RIMS2: variants seen among roughly 807,000 people sequenced by gnomAD.
RIMS2 encodes regulating synaptic membrane exocytosis protein 2.
In RIMS2, 59 loss-of-function variants were observed where a neutral mutation model predicts 174.4. The ratio of observed to expected loss-of-function variants is 0.34; its 90% CI spans 0.27 to 0.42. RIMS2 has a LOEUF of 0.42. Ranked by LOEUF, RIMS2 falls within the 10% of genes least tolerant of loss-of-function variation. The probability of loss-of-function intolerance (pLI) is 1.00; values close to 1 mark genes in which losing one functional copy is unlikely to be tolerated. For missense variants in RIMS2, 1,620 were observed against 1,666.3 expected (o/e 0.97, Z 0.48); for synonymous variants, 606 against 572.5 (o/e 1.06, Z -0.84).
In RIMS2 at chr8:103,708,217, G is replaced by T. The variant is rs756639401; in HGVS notation, c.387+10921G>T. Among the ~76,000 whole-genome samples, 115 of 152,316 alleles carry T rather than the reference G, an allele frequency of 7.6e-4. 1 individual carries two copies. The highest frequency in any genetic ancestry group is 1.5e-3 in the Non-Finnish European group (102 of 68,020). Reference sequence around the variant, plus strand: ...TTATTCACGGCTCAAGGCCACTTTTGTTAGCCTGTGGTGAAGTGGACCGGG... The same window carrying T: ...TTATTCACGGCTCAAGGCCACTTTTTTTAGCCTGTGGTGAAGTGGACCGGG... On this transcript the variant is annotated intron_variant, in intron 2 of 23. Coordinates refer to ENST00000504942, the Ensembl canonical transcript of RIMS2.
At position 104,248,684 on chromosome 8, in the gene RIMS2, T is replaced by G. The variant is rs752725769; in HGVS notation, c.3477-17T>G. On this transcript the variant is annotated splice_polypyrimidine_tract_variant and intron_variant, in intron 20 of 23. Coordinates refer to ENST00000504942, the Ensembl canonical transcript of RIMS2. ...TAGGGGTTGGGGATTTAATCTCATATGTTATTTTGCTTTCAGTCTGATTTT... is the reference window on the plus strand; with the variant it reads ...TAGGGGTTGGGGATTTAATCTCATAGGTTATTTTGCTTTCAGTCTGATTTT... 7.4e-7 allele frequency: 1 copy of G among 1,349,686 alleles called. No individual in the cohort carries two copies. The allele number at this position is 1,349,686 out of a possible 1,614,324, so 83.6% of individuals were successfully genotyped here.
chr8:103,636,722 G>A (rs184911084), intron 1 of RIMS2, among the ~76,000 whole-genome samples: 6 of 150,450 alleles, frequency 4.0e-5, no homozygotes, highest in Admixed American at 6.6e-5. Flanking sequence ...AGAGCCATGC[G>A]TACTAGCTGC....
intron 1 of RIMS2, among the ~76,000 whole-genome samples, chr8:103,612,191 G>T (rs989278643): frequency 6.6e-6 from 1 of 152,052 alleles, no homozygotes. Context: ...TTCCTTCCCT[G>T]TGTTATCTTG....
At chr8:104,008,909 T>G (rs2095670181) in intron 17 of RIMS2, among the ~76,000 whole-genome samples, 1 of 152,036 alleles carries the variant, frequency 6.6e-6, no homozygotes, top group Non-Finnish European at 1.5e-5. Flanking sequence ...AAATTAATCT[T>G]CCTCCAAAAT....
chr8:104,211,701 A>G (rs2099106183), intron 19 of RIMS2, among the ~76,000 whole-genome samples: 1 of 151,924 alleles, frequency 6.6e-6, no homozygotes, highest in Non-Finnish European at 1.5e-5. Flanking sequence ...TTTGTTAGAG[A>G]TGGGATTTCA....
At chr8:103,989,079 G>T (rs2094534246) in intron 16 of RIMS2, among the ~76,000 whole-genome samples, 1 of 152,094 alleles carries the variant, frequency 6.6e-6, no homozygotes, top group Non-Finnish European at 1.5e-5. Flanking sequence ...ACTGTTATTA[G>T]TTTAATTTGA....
intron 19 of RIMS2, among the ~76,000 whole-genome samples, chr8:104,173,534 A>G (rs1305483614): frequency 1.3e-5 from 2 of 149,536 alleles, no homozygotes; most frequent in Admixed American, 6.7e-5. Flanking sequence ...CCATAATGTT[A>G]TGAAACATTT....
intron 1 of RIMS2, among the ~76,000 whole-genome samples, chr8:103,530,774 C>T (rs1377157507): frequency 6.6e-6 from 1 of 151,722 alleles, no homozygotes; most frequent in Non-Finnish European, 1.5e-5. Flanking sequence ...CAAAATTTTA[C>T]AGAACTGTAA....
At chr8:103,683,652 G>A (rs1401580561) in intron 1 of RIMS2, among the ~76,000 whole-genome samples, 5 of 152,182 alleles carry the variant, frequency 3.3e-5, no homozygotes, top group Non-Finnish European at 5.9e-5. Context: ...TTACTGAGAA[G>A]CATCTCAAAG....
At chr8:103,540,005 G>A (rs921727192) in intron 1 of RIMS2, among the ~76,000 whole-genome samples, 1 of 152,238 alleles carries the variant, frequency 6.6e-6, no homozygotes, top group Non-Finnish European at 1.5e-5. Flanking sequence ...CAGTAACTCT[G>A]TGCACATCTG....
At chr8:103,744,947 T>C (rs944551174) in intron 2 of RIMS2, among the ~76,000 whole-genome samples, 1 of 152,228 alleles carries the variant, frequency 6.6e-6, no homozygotes, top group African/African-American at 2.4e-5. Flanking sequence ...GATCTGCTTG[T>C]AGAAAAGCCT....
chr8:103,763,710 T>C lies in RIMS2; in HGVS notation c.388-2517T>C, dbSNP rs183515747. ...ATCAGACATCATCCTTCATACCTTA[T>C]GCTCATCTGTCTTATATTAATATTC... On this transcript the variant is annotated intron_variant, in intron 2 of 23. Coordinates refer to ENST00000504942, the Ensembl canonical transcript of RIMS2. Among the ~76,000 whole-genome samples, 21 of 152,290 alleles carry C rather than the reference T, an allele frequency of 1.4e-4. 2 individuals carry two copies. Among genetic ancestry groups the C allele is most frequent in the Admixed American group, 1.1e-3 (17 of 15,274 alleles).
Position 104,013,423 on chromosome 8 carries a change from T to G in RIMS2, c.3045-19T>G, listed in dbSNP as rs761356236. On this transcript the variant is annotated intron_variant, in intron 17 of 23. Transcript: ENST00000504942. ...GGGCACTAAAGATCAACTGAGCTGC[T>G]TTTTGACTAACGTTTCAGGGATTGT... The G allele has an allele frequency of 6.2e-7, 1 of 1,611,450 alleles. No individual in the cohort carries two copies. Among genetic ancestry groups the G allele is most frequent in the East Asian group, 2.2e-5 (1 of 44,830 alleles).
At chr8:103,721,425 T>C (rs2138438475) in intron 2 of RIMS2, among the ~76,000 whole-genome samples, 1 of 152,304 alleles carries the variant, frequency 6.6e-6, no homozygotes, top group Non-Finnish European at 1.5e-5. Context: ...AAATATCCTA[T>C]AGGGCAATTA....
At chr8:103,702,711 A>G (rs541214441) in intron 2 of RIMS2, among the ~76,000 whole-genome samples, 1 of 152,240 alleles carries the variant, frequency 6.6e-6, no homozygotes, top group South Asian at 2.1e-4. Flanking sequence ...AACATGACTT[A>G]GCTGTAGATG....
chr8:103,989,876 G>A (rs1346622905), intron 17 of RIMS2, among the ~76,000 whole-genome samples: 2 of 152,096 alleles, frequency 1.3e-5, no homozygotes, highest in Admixed American at 1.3e-4. Flanking sequence ...ATTTGTTTAG[G>A]AAACATTTTA....
chr8:103,714,696 T>C (rs1365743274), intron 2 of RIMS2, among the ~76,000 whole-genome samples: 3 of 152,042 alleles, frequency 2.0e-5, no homozygotes, highest in Non-Finnish European at 2.9e-5. Flanking sequence ...TAAGAGGAAA[T>C]ATCAGAGGTG....
rs1010411349 is a variant in RIMS2, at chr8:104,245,167, T to C, written c.3476+110T>C. 12 of 1,066,750 alleles carry C rather than the reference T, an allele frequency of 1.1e-5. No individual in the cohort carries two copies. In the African/African-American group the frequency reaches 1.7e-4, roughly 16 times the overall value. The allele number at this position is 1,066,750 out of a possible 1,614,324, so 66.1% of individuals were successfully genotyped here. On this transcript the variant is annotated intron_variant, in intron 20 of 23. Coordinates refer to ENST00000504942, the Ensembl canonical transcript of RIMS2. ...CATGCTCTTCAGAACCACTTTAATT[T>C]TCACTGGCTGATTTCCTGTGAAGAG...
At chr8:104,135,970 G>A (rs1247269032) in intron 19 of RIMS2, among the ~76,000 whole-genome samples, 5 of 152,138 alleles carry the variant, frequency 3.3e-5, no homozygotes, top group Non-Finnish European at 4.4e-5. Context: ...TGTTATCCCC[G>A]TTTTATACAA....
Sources: gnomAD v4.1 joint callset for allele counts (sites outside exome capture counted in the v4.1 genomes callset) on GRCh38, gnomAD v4.1.1 for gene constraint, MANE v1.5 for transcripts, NCBI Gene and HGNC (gene_info 2026-07-23, HGNC 2026-07-21) for gene names.